Variants in SLC4A10 observed in about 807,000 individuals in gnomAD.
The protein encoded by SLC4A10 is sodium-driven chloride bicarbonate exchanger.
In SLC4A10, 42 loss-of-function variants were observed where a neutral mutation model predicts 137.7. The ratio of observed to expected loss-of-function variants is 0.30; its 90% CI spans 0.24 to 0.39. The LOEUF (loss-of-function observed/expected upper bound fraction) is 0.39, where lower values mean the gene tolerates loss of function less well. Among genes scored for constraint, SLC4A10 ranks in the 10% least tolerant of loss-of-function variants. SLC4A10 has a pLI of 1.00. For synonymous variants in SLC4A10, 474 were observed against 464.1 expected (o/e 1.02, Z -0.27); for missense variants, 925 against 1,355.0 (o/e 0.68, Z 4.98).
chr2:161,772,433 G>A (rs572619325), intron 2 of SLC4A10, among the ~76,000 whole-genome samples: 1 of 151,746 alleles, frequency 6.6e-6, no homozygotes, highest in Non-Finnish European at 1.5e-5. Flanking sequence ...GATGGTGAAT[G>A]GTCCTTTTTA....
At chr2:161,716,219 A>C (rs1359182588) in intron 1 of SLC4A10, among the ~76,000 whole-genome samples, 1 of 150,484 alleles carries the variant, frequency 6.6e-6, no homozygotes, top group Non-Finnish European at 1.5e-5. Context: ...TTCCTTGTAG[A>C]GTCTGGATAC....
At chr2:161,932,090 A>C (rs1690501426) in intron 15 of SLC4A10, among the ~76,000 whole-genome samples, 1 of 152,172 alleles carries the variant, frequency 6.6e-6, no homozygotes, top group African/African-American at 2.4e-5. Context: ...TCAAACTCTT[A>C]TGGTGTTGGG....
chr2:161,972,923 A>C (rs772222900), intron 23 of SLC4A10, among the ~76,000 whole-genome samples: 1 of 152,198 alleles, frequency 6.6e-6, no homozygotes. Context: ...ACTAGAAAAC[A>C]CTTGTTTCTT....
intron 12 of SLC4A10, 87 bp from the exon 13 acceptor site, chr2:161,903,917 G>A: frequency 7.5e-7 from 1 of 1,340,756 alleles, no homozygotes. Context: ...AACGTATACT[G>A]TGACCTGGCA....
intron 12 of SLC4A10, 111 bp downstream of exon 12, chr2:161,901,122 T>C (rs1366068897): frequency 5.1e-6 from 4 of 783,624 alleles, no homozygotes; most frequent in Non-Finnish European, 8.7e-6. Context: ...TAATACCTGC[T>C]TTTTGAGGGT....
intron 3 of SLC4A10, among the ~76,000 whole-genome samples, chr2:161,819,181 T>C (rs2057396741): frequency 6.6e-6 from 1 of 152,262 alleles, no homozygotes; most frequent in East Asian, 1.9e-4. Context: ...AGAATAGGCC[T>C]TTAATATAGA....
chr2:161,766,178 C>T (rs780918731), intron 1 of SLC4A10, among the ~76,000 whole-genome samples: 8 of 152,012 alleles, frequency 5.3e-5, no homozygotes, highest in Non-Finnish European at 1.0e-4. Context: ...ATTTTTCTTT[C>T]AAATAAACAT....
At chr2:161,684,602 A>G (rs2041196017) in intron 1 of SLC4A10, among the ~76,000 whole-genome samples, 1 of 152,210 alleles carries the variant, frequency 6.6e-6, no homozygotes, top group Admixed American at 6.5e-5. Context: ...TAGTTATGTT[A>G]CCTTGGGCAA....
At chr2:161,803,894 T>A (rs573483526) in intron 2 of SLC4A10, among the ~76,000 whole-genome samples, 1 of 152,194 alleles carries the variant, frequency 6.6e-6, no homozygotes, top group East Asian at 1.9e-4. Context: ...AATTGAACAA[T>A]TATAACAATA....
chr2:161,744,862 C>T (rs189219343), intron 1 of SLC4A10, among the ~76,000 whole-genome samples: 82 of 152,252 alleles, frequency 5.4e-4, no homozygotes, highest in African/African-American at 2.0e-3. Context: ...TCTTCTTACT[C>T]AAGATATAAG....
chr2:161,908,598 TA>T (rs200861446), intron 15 of SLC4A10, among the ~76,000 whole-genome samples: 15,159 of 139,140 alleles, frequency 0.11, 800 homozygotes, highest in East Asian at 0.14. Flanking sequence ...ATAATAAAAT[TA>T]AAAAAAAAAA....
chr2:161,864,082 G>A (rs147014262), intron 6 of SLC4A10, among the ~76,000 whole-genome samples: 206 of 152,080 alleles, frequency 1.4e-3, no homozygotes, highest in African/African-American at 3.9e-3. Context: ...GGTGCCTGTA[G>A]TCCCAGCTAC....
At chr2:161,660,189 T>G (rs2038103779) in intron 1 of SLC4A10, among the ~76,000 whole-genome samples, 1 of 152,224 alleles carries the variant, frequency 6.6e-6, no homozygotes, top group Non-Finnish European at 1.5e-5. Flanking sequence ...TCAATAAAAC[T>G]GCTAAAAATA....
At chr2:161,640,758 T>A (rs2035208143) in intron 1 of SLC4A10, among the ~76,000 whole-genome samples, 1 of 151,938 alleles carries the variant, frequency 6.6e-6, no homozygotes, top group Non-Finnish European at 1.5e-5. Context: ...CTCTGAATCC[T>A]GGTCTCAAGC....
chr2:161,873,860 C>G, intron 7 of SLC4A10, 56 bp from the exon 8 acceptor site: 1 of 1,521,370 alleles, frequency 6.6e-7, no homozygotes, highest in Non-Finnish European at 8.9e-7. Flanking sequence ...TGGTGCCTGG[C>G]GGAGTCTCCG....
chr2:161,631,558 A>G (rs1426428806), intron 1 of SLC4A10, among the ~76,000 whole-genome samples: 2 of 151,652 alleles, frequency 1.3e-5, no homozygotes, highest in Non-Finnish European at 3.0e-5. Flanking sequence ...AGGTCTTGGA[A>G]TATATCTTCA....
At chr2:161,685,231 C>G (rs1331975093) in intron 1 of SLC4A10, among the ~76,000 whole-genome samples, 1 of 152,146 alleles carries the variant, frequency 6.6e-6, no homozygotes, top group Non-Finnish European at 1.5e-5. Context: ...TTAGTATGCT[C>G]TAGACCCTGG....
intron 23 of SLC4A10, among the ~76,000 whole-genome samples, chr2:161,965,928 G>A (rs1697494933): frequency 6.6e-6 from 1 of 152,098 alleles, no homozygotes; most frequent in Non-Finnish European, 1.5e-5. Context: ...GGATGATTGA[G>A]CCCATACAAT....
chr2:161,755,079 A>G (rs190392036), intron 1 of SLC4A10, among the ~76,000 whole-genome samples: 2 of 152,318 alleles, frequency 1.3e-5, no homozygotes, highest in East Asian at 3.9e-4. Context: ...ATCATTTTAA[A>G]GCAAAGAACT....
Sources: gnomAD v4.1 joint callset for allele counts (sites outside exome capture counted in the v4.1 genomes callset) on GRCh38, gnomAD v4.1.1 for gene constraint, MANE v1.5 for transcripts, NCBI Gene and HGNC (gene_info 2026-07-23, HGNC 2026-07-21) for gene names.